The following MCPH1 variants were observed in gnomAD, a reference collection of about 807,000 sequenced individuals.
The protein encoded by MCPH1 is microcephalin.
In MCPH1, 104 loss-of-function variants were observed where a neutral mutation model predicts 84.5. That is an observed-to-expected ratio of 1.23 (90% CI 1.05 to 1.45). MCPH1 has a LOEUF of 1.45. Ranked by LOEUF, MCPH1 falls within the 40% of genes most tolerant of loss-of-function variation. The probability of loss-of-function intolerance (pLI) is 0.00; values close to 1 mark genes in which losing one functional copy is unlikely to be tolerated. For missense variants in MCPH1, 1,498 were observed against 1,005.7 expected, an observed-to-expected ratio of 1.49 and a Z score of -6.62; for synonymous variants, 514 against 366.8, an observed-to-expected ratio of 1.40 and a Z score of -4.58.
At chr8:6,530,323 C>T (rs1253611433) in intron 12 of MCPH1, among the ~76,000 whole-genome samples, 1 of 152,052 alleles carries the variant, frequency 6.6e-6, no homozygotes, top group African/African-American at 2.4e-5. Context: ...GCCTGGCCAA[C>T]GTGGTGAAAC....
At chr8:6,535,808 G>C (rs1820378659) in intron 12 of MCPH1, among the ~76,000 whole-genome samples, 3 of 152,068 alleles carry the variant, frequency 2.0e-5, no homozygotes, top group South Asian at 4.1e-4. Context: ...AGCACTTTGG[G>C]AGGCCGAGGC....
intron 11 of MCPH1, among the ~76,000 whole-genome samples, chr8:6,495,010 A>G (rs535073634): frequency 1.3e-5 from 2 of 152,186 alleles, no homozygotes; most frequent in Non-Finnish European, 2.9e-5. Flanking sequence ...TATAGGAAGC[A>G]TTTCTTGATG....
At chr8:6,632,308 G>A (rs917761203) in intron 13 of MCPH1, among the ~76,000 whole-genome samples, 9 of 152,032 alleles carry the variant, frequency 5.9e-5, no homozygotes, top group African/African-American at 2.2e-4. Context: ...CCACTGAAGT[G>A]GACACTTAAA....
intron 11 of MCPH1, among the ~76,000 whole-genome samples, chr8:6,496,564 C>A (rs918932123): frequency 2.7e-5 from 4 of 150,636 alleles, no homozygotes; most frequent in Admixed American, 1.3e-4. Flanking sequence ...AGTTACATTC[C>A]CACAGGTATT....
rs151332109 is a variant in MCPH1, at chr8:6,608,526, G to C, written c.2215-12928G>C. Among the ~76,000 whole-genome samples the C allele has an allele frequency of 2.5e-4, 38 of 152,306 alleles. 1 individual carries two copies. Among genetic ancestry groups the C allele is most frequent in the African/African-American group, 9.1e-4 (38 of 41,552 alleles). ...TCCTGTGCTCAGTGCAGGGCAGCAG[G>C]ACTCACTTGCTAAGTGCTCACTGAC... On this transcript the variant is annotated intron_variant, in intron 12 of 13. Transcript: ENST00000344683.
In MCPH1 at chr8:6,408,343, A is replaced by G. The variant is rs542978510; in HGVS notation, c.23-936A>G. On this transcript the variant is annotated intron_variant, in intron 1 of 13. Transcript: ENST00000344683. The stretch of plus-strand genomic sequence containing the variant: ...GCTTCAGCCTCCTGAGTAACTTGGG[A>G]CTACAGGCACTACCACGCCCGGTTA... Among the ~76,000 whole-genome samples, 70 of 151,728 alleles carry G rather than the reference A, an allele frequency of 4.6e-4. No homozygotes were observed. The Middle Eastern group carries it at 0.01, about 22-fold the overall frequency.
intron 12 of MCPH1, among the ~76,000 whole-genome samples, chr8:6,534,347 G>A (rs951937284): frequency 6.6e-6 from 1 of 152,172 alleles, no homozygotes; most frequent in Non-Finnish European, 1.5e-5. Context: ...GATGTGTATA[G>A]GTTATATGCA....
intron 3 of MCPH1, among the ~76,000 whole-genome samples, chr8:6,423,644 A>G (rs1041653095): frequency 4.6e-5 from 7 of 152,180 alleles, no homozygotes; most frequent in African/African-American, 1.7e-4. Context: ...GAAATATTAC[A>G]GCATTGAGCT....
chr8:6,519,534 C>A (rs774589959), intron 12 of MCPH1, among the ~76,000 whole-genome samples: 5 of 152,188 alleles, frequency 3.3e-5, no homozygotes, highest in Admixed American at 3.3e-4. Flanking sequence ...TTGGAAGATA[C>A]TTTCTTTAAG....
chr8:6,612,104 G>A (rs540141963), intron 12 of MCPH1, among the ~76,000 whole-genome samples: 2 of 152,320 alleles, frequency 1.3e-5, no homozygotes, highest in South Asian at 4.1e-4. Flanking sequence ...CGCAGGTAGG[G>A]TTGGAAAGGG....
intron 13 of MCPH1, among the ~76,000 whole-genome samples, chr8:6,622,801 C>T (rs958098566): frequency 6.6e-6 from 1 of 152,108 alleles, no homozygotes; most frequent in Non-Finnish European, 1.5e-5. Context: ...GGATACCAGT[C>T]AGATTGGATT....
chr8:6,592,744 T>C (rs1035876631), intron 12 of MCPH1, among the ~76,000 whole-genome samples: 4 of 147,618 alleles, frequency 2.7e-5, no homozygotes, highest in Non-Finnish European at 6.0e-5. Context: ...AACCTCTGCC[T>C]CCCAGGCTGA....
At chr8:6,525,336 C>A (rs932021019) in intron 12 of MCPH1, among the ~76,000 whole-genome samples, 1 of 152,158 alleles carries the variant, frequency 6.6e-6, no homozygotes, top group South Asian at 2.1e-4. Flanking sequence ...TTCAAGCGAT[C>A]CACCTGCCTC....
intron 2 of MCPH1, among the ~76,000 whole-genome samples, chr8:6,411,143 G>C (rs780711238): frequency 7.9e-5 from 12 of 152,076 alleles, no homozygotes; most frequent in African/African-American, 1.2e-4. Flanking sequence ...ATTTTGGCCT[G>C]ATGTCAAAAG....
At chr8:6,587,326 C>T (rs1362085430) in intron 12 of MCPH1, among the ~76,000 whole-genome samples, 2 of 152,192 alleles carry the variant, frequency 1.3e-5, no homozygotes, top group African/African-American at 4.8e-5. Context: ...AAGATCTACT[C>T]CTGGCTTAGA....
intron 13 of MCPH1, among the ~76,000 whole-genome samples, chr8:6,631,653 A>AT: frequency 6.8e-6 from 1 of 146,704 alleles, no homozygotes; most frequent in South Asian, 2.2e-4. Flanking sequence ...GATTGCTACT[A>AT]TAAAAAAAAA....
At chr8:6,532,576 A>AAAG in intron 12 of MCPH1, 1 of 542,536 alleles carries the variant, frequency 1.8e-6, no homozygotes, top group Non-Finnish European at 2.6e-6. Context: ...CCTATCTTTA[A>AAAG]AAAAAAAAAA....
At chr8:6,581,798 C>T (rs942019930) in intron 12 of MCPH1, among the ~76,000 whole-genome samples, 1 of 152,134 alleles carries the variant, frequency 6.6e-6, no homozygotes, top group African/African-American at 2.4e-5. Flanking sequence ...GTTCTGGAGG[C>T]TGAGAAGTCC....
chr8:6,532,235 T>C, intron 12 of MCPH1: 2 of 1,408,642 alleles, frequency 1.4e-6, no homozygotes, highest in South Asian at 1.3e-5. Flanking sequence ...TGGTGCTTTC[T>C]TTAGTTTCTC....
Sources: gnomAD v4.1 joint callset for allele counts (sites outside exome capture counted in the v4.1 genomes callset) on GRCh38, gnomAD v4.1.1 for gene constraint, MANE v1.5 for transcripts, NCBI Gene and HGNC (gene_info 2026-07-23, HGNC 2026-07-21) for gene names.